CDH13: variants seen among roughly 807,000 people sequenced by gnomAD.
The protein encoded by CDH13 is cadherin-13.
CDH13 carries 24 observed loss-of-function variants against 63.8 expected under a neutral mutation model. That is an observed-to-expected ratio of 0.38 (90% CI 0.27 to 0.53). The LOEUF is 0.53. CDH13 is among the 20% of genes least tolerant of loss of function. The pLI, the probability that CDH13 is intolerant of heterozygous loss-of-function variation, is 0.85. For missense variants in CDH13, 1,049 were observed against 903.1 expected (o/e 1.16, Z -2.07); for synonymous variants, 503 against 355.3 (o/e 1.42, Z -4.67).
intron 13 of CDH13, among the ~76,000 whole-genome samples, chr16:83,793,596 G>A (rs1277933659): frequency 6.6e-6 from 1 of 152,162 alleles, no homozygotes; most frequent in Non-Finnish European, 1.5e-5. Context: ...GATTGGCTGA[G>A]TAATGGCCCC....
chr16:83,036,234 C>T (rs1332810293), intron 3 of CDH13, among the ~76,000 whole-genome samples: 1 of 151,234 alleles, frequency 6.6e-6, no homozygotes, highest in Non-Finnish European at 1.5e-5. Flanking sequence ...ACTGCAACCT[C>T]CACCTCCTGG....
At chr16:83,257,847 A>G (rs1337847280) in intron 5 of CDH13, among the ~76,000 whole-genome samples, 2 of 152,200 alleles carry the variant, frequency 1.3e-5, no homozygotes, top group Non-Finnish European at 2.9e-5. Flanking sequence ...TCGCCATACT[A>G]TCTTCCACAA....
chr16:83,791,395 C>T (rs1048530172), intron 13 of CDH13, among the ~76,000 whole-genome samples: 1 of 152,032 alleles, frequency 6.6e-6, no homozygotes, highest in African/African-American at 2.4e-5. Context: ...ACTCAGGAGG[C>T]TGAGGCAGGA....
At chr16:83,545,667 C>T (rs887161198) in intron 7 of CDH13, among the ~76,000 whole-genome samples, 2 of 152,134 alleles carry the variant, frequency 1.3e-5, no homozygotes, top group African/African-American at 4.8e-5. Context: ...ACCTCCTCTG[C>T]CATCCTTTAG....
chr16:83,338,644 G>A (rs1016232435), intron 5 of CDH13, among the ~76,000 whole-genome samples: 1 of 152,210 alleles, frequency 6.6e-6, no homozygotes, highest in African/African-American at 2.4e-5. Context: ...GGAGGAGTAA[G>A]GGAGGCTCTT....
At chr16:83,481,292 C>T (rs1381277797) in intron 6 of CDH13, among the ~76,000 whole-genome samples, 1 of 152,114 alleles carries the variant, frequency 6.6e-6, no homozygotes, top group Non-Finnish European at 1.5e-5. Flanking sequence ...AAAAAATGAG[C>T]CTGACACTTT....
intron 1 of CDH13, among the ~76,000 whole-genome samples, chr16:82,791,887 G>C (rs2036323470): frequency 6.6e-6 from 1 of 152,202 alleles, no homozygotes. Flanking sequence ...ATGAGGCCAA[G>C]ATCCCCAGGT....
In CDH13 at chr16:83,466,377, A is replaced by G. The variant is rs2073316266; in HGVS notation, c.782-20100A>G. 2.6e-5 allele frequency among the ~76,000 whole-genome samples: 4 copies of G among 152,226 alleles called. No individual in the cohort carries two copies. The South Asian group carries it at 6.2e-4, about 24-fold the overall frequency. On this transcript the variant is annotated intron_variant, in intron 6 of 13. Coordinates refer to ENST00000567109, the MANE Select transcript of CDH13 (RefSeq NM_001257.5). Reference sequence around the variant, plus strand: ...AGAGTCTAGCGGCAATAAGCTGGACATTAGAACCGCCTTATATACAGAAAC... The same window carrying G: ...AGAGTCTAGCGGCAATAAGCTGGACGTTAGAACCGCCTTATATACAGAAAC...
chr16:82,701,130 A>T (rs75755024), intron 1 of CDH13, among the ~76,000 whole-genome samples: 239 of 152,144 alleles, frequency 1.6e-3, no homozygotes, highest in African/African-American at 5.3e-3. Context: ...CCAAAGTTAG[A>T]AACTTCTGAG....
intron 4 of CDH13, among the ~76,000 whole-genome samples, chr16:83,125,884 G>C (rs1482794872): frequency 6.6e-6 from 1 of 152,118 alleles, no homozygotes; most frequent in Non-Finnish European, 1.5e-5. Flanking sequence ...CAAATATTTA[G>C]GTCTACGCGT....
At chr16:83,753,378 G>A (rs112279959) in intron 11 of CDH13, among the ~76,000 whole-genome samples, 12 of 152,120 alleles carry the variant, frequency 7.9e-5, no homozygotes, top group East Asian at 1.9e-4. Flanking sequence ...ACTCCATCCC[G>A]AAAAAGAATA....
chr16:83,594,773 G>C (rs116796963), intron 7 of CDH13, among the ~76,000 whole-genome samples: 317 of 152,260 alleles, frequency 2.1e-3, no homozygotes, highest in African/African-American at 7.4e-3. Context: ...TAAATGTTCT[G>C]TTAAATGCAT....
chr16:83,700,282 T>C (rs897463404), intron 10 of CDH13, among the ~76,000 whole-genome samples: 1 of 152,216 alleles, frequency 6.6e-6, no homozygotes, highest in African/African-American at 2.4e-5. Flanking sequence ...ACAAAGACCT[T>C]CTGCAGAAAG....
intron 12 of CDH13, among the ~76,000 whole-genome samples, chr16:83,782,445 C>T (rs1915592551): frequency 6.6e-6 from 1 of 151,562 alleles, no homozygotes; most frequent in African/African-American, 2.4e-5. Flanking sequence ...TCAAAAAAAA[C>T]AAAAACAAGG....
chr16:83,243,906 T>C (rs755872233), intron 5 of CDH13, among the ~76,000 whole-genome samples: 3 of 152,178 alleles, frequency 2.0e-5, no homozygotes, highest in Non-Finnish European at 4.4e-5. Context: ...AAGAGTAACA[T>C]CACCATTTGA....
intron 6 of CDH13, chr16:83,396,797 C>CAGGAGT (rs1467815152): frequency 3.9e-5 from 6 of 152,106 alleles, no homozygotes; most frequent in African/African-American, 1.5e-4. Flanking sequence ...AGGGGAGGAG[C>CAGGAGT]AGGAGTAGGG....
intron 2 of CDH13, among the ~76,000 whole-genome samples, chr16:82,986,749 C>G (rs10492870): frequency 0.12 from 17,901 of 152,202 alleles, 1,286 homozygotes; most frequent in Middle Eastern, 0.17. Flanking sequence ...AAGGATAACC[C>G]AACTGTAAGA....
At chr16:83,298,189 G>A (rs1234583170) in intron 5 of CDH13, among the ~76,000 whole-genome samples, 4 of 152,088 alleles carry the variant, frequency 2.6e-5, no homozygotes, top group Non-Finnish European at 4.4e-5. Flanking sequence ...GCTGTAGCGA[G>A]CAATGATCGC....
At chr16:83,627,373 A>G (rs565728156) in intron 8 of CDH13, among the ~76,000 whole-genome samples, 145 of 152,302 alleles carry the variant, frequency 9.5e-4, no homozygotes, top group African/African-American at 3.3e-3. Context: ...ACAGAGATGA[A>G]CATACATACA....
Sources: allele counts gnomAD v4.1 joint callset (sites outside exome capture counted in the v4.1 genomes callset), GRCh38; gene constraint gnomAD v4.1.1; transcripts MANE v1.5; gene names NCBI Gene and HGNC (gene_info 2026-07-23, HGNC 2026-07-21).